LRP1B: variants seen among roughly 807,000 people sequenced by gnomAD.
LRP1B encodes the protein low-density lipoprotein receptor-related protein 1B.
A neutral mutation model predicts 556.6 loss-of-function variants in LRP1B; 217 were observed. The ratio of observed to expected loss-of-function variants is 0.39; its 90% CI spans 0.35 to 0.44. LRP1B has a LOEUF of 0.44. LRP1B is among the 20% of genes least tolerant of loss of function. The pLI is 1.00. For synonymous variants in LRP1B, 2,047 were observed against 1,865.8 expected (o/e 1.10, Z -2.50); for missense variants, 5,053 against 5,620.8 (o/e 0.90, Z 3.23).
chr2:141,770,334 T>A (rs1349815055), intron 2 of LRP1B, among the ~76,000 whole-genome samples: 1 of 152,208 alleles, frequency 6.6e-6, no homozygotes, highest in Non-Finnish European at 1.5e-5. Context: ...ATTCTCACTT[T>A]AATGGTTAAT....
At chr2:140,387,126 AC>A (rs1683792648) in intron 66 of LRP1B, among the ~76,000 whole-genome samples, 1 of 152,316 alleles carries the variant, frequency 6.6e-6, no homozygotes, top group Non-Finnish European at 1.5e-5. Context: ...CCTTTCGTGT[AC>A]TTAGATCAAC....
chr2:141,218,387 G>A (rs544052711), intron 6 of LRP1B, among the ~76,000 whole-genome samples: 2 of 151,950 alleles, frequency 1.3e-5, no homozygotes, highest in African/African-American at 4.8e-5. Flanking sequence ...GTCAACCTAG[G>A]TGCCCATCAA....
At chr2:142,015,927 G>A (rs1703111531) in intron 1 of LRP1B, among the ~76,000 whole-genome samples, 1 of 140,490 alleles carries the variant, frequency 7.1e-6, no homozygotes, top group East Asian at 2.3e-4. Flanking sequence ...GGGAGTCGGA[G>A]CTTGCAGTGA....
intron 79 of LRP1B, among the ~76,000 whole-genome samples, chr2:140,332,895 A>G (rs1296298529): frequency 6.6e-6 from 1 of 152,110 alleles, no homozygotes; most frequent in Non-Finnish European, 1.5e-5. Flanking sequence ...TGTTACATAT[A>G]CTATTAATAA....
At chr2:141,594,642 T>C (rs1165919014) in intron 2 of LRP1B, among the ~76,000 whole-genome samples, 10 of 152,158 alleles carry the variant, frequency 6.6e-5, no homozygotes. Context: ...GAGGTGGTTA[T>C]TAATTTATCA....
chr2:142,074,882 C>T lies in LRP1B; in HGVS notation c.82+55766G>A, dbSNP rs1246715141. ...ATGGAAATGACCTTCTTCATCTAAT[C>T]TTTCCTCCCACATACTGTGTTATAC... On this transcript the variant is annotated intron_variant, in intron 1 of 90. Transcript: ENST00000389484. 2.0e-5 allele frequency among the ~76,000 whole-genome samples: 3 copies of T among 152,080 alleles called. No individual in the cohort carries two copies. The East Asian group carries it at 5.8e-4, about 29-fold the overall frequency.
intron 81 of LRP1B, among the ~76,000 whole-genome samples, 164 bp downstream of exon 81, chr2:140,323,729 A>G (rs1309488348): frequency 6.6e-6 from 1 of 152,058 alleles, no homozygotes; most frequent in Non-Finnish European, 1.5e-5. Context: ...AGAATTATCT[A>G]TAGTTTGGTA....
intron 7 of LRP1B, among the ~76,000 whole-genome samples, chr2:141,076,339 G>A (rs1214125616): frequency 6.6e-6 from 1 of 152,184 alleles, no homozygotes; most frequent in Non-Finnish European, 1.5e-5. Flanking sequence ...GTAGGGCTGT[G>A]TTGGCAGGTA....
At chr2:141,610,680 T>C (rs994743031) in intron 2 of LRP1B, among the ~76,000 whole-genome samples, 1 of 152,206 alleles carries the variant, frequency 6.6e-6, no homozygotes, top group Non-Finnish European at 1.5e-5. Context: ...TGGCTGGGAA[T>C]TCCACAAAGT....
At chr2:140,949,938 C>CAAAAAAA (rs67201185) in intron 20 of LRP1B, among the ~76,000 whole-genome samples, 3 of 14,278 alleles carry the variant, frequency 2.1e-4, no homozygotes, top group Non-Finnish European at 3.6e-4. Context: ...GACTCCGTCT[C>CAAAAAAA]AAAAAAAAAA....
At chr2:141,854,419 A>C (rs575355957) in intron 1 of LRP1B, among the ~76,000 whole-genome samples, 1 of 152,208 alleles carries the variant, frequency 6.6e-6, no homozygotes, top group African/African-American at 2.4e-5. Flanking sequence ...ATTCTTAATT[A>C]ACAACTCAAT....
At chr2:141,762,712 G>A (rs1329176448) in intron 2 of LRP1B, among the ~76,000 whole-genome samples, 1 of 152,052 alleles carries the variant, frequency 6.6e-6, no homozygotes, top group Non-Finnish European at 1.5e-5. Flanking sequence ...ATATGCTGGG[G>A]GTTGAGGATA....
At chr2:140,428,678 C>T (rs1040713520) in intron 66 of LRP1B, among the ~76,000 whole-genome samples, 2 of 152,138 alleles carry the variant, frequency 1.3e-5, no homozygotes, top group African/African-American at 4.8e-5. Flanking sequence ...GTAACTGTCA[C>T]AGTGGAGGGT....
intron 1 of LRP1B, among the ~76,000 whole-genome samples, chr2:142,035,655 C>G (rs1019023056): frequency 6.6e-6 from 1 of 151,552 alleles, no homozygotes; most frequent in Admixed American, 6.6e-5. Flanking sequence ...TCTAGTTTAA[C>G]AACAACTTTT....
At chr2:140,869,909 ATG>A (rs1163715953) in intron 25 of LRP1B, among the ~76,000 whole-genome samples, 39 of 152,244 alleles carry the variant, frequency 2.6e-4, no homozygotes, top group Non-Finnish European at 3.1e-4. Context: ...GTACTTTGGC[ATG>A]CTAAGCACTT....
At chr2:142,004,081 T>C (rs1422845731) in intron 1 of LRP1B, among the ~76,000 whole-genome samples, 2 of 152,152 alleles carry the variant, frequency 1.3e-5, no homozygotes, top group Admixed American at 1.3e-4. Flanking sequence ...CTATGGCTAG[T>C]AGGAGGCAGA....
intron 11 of LRP1B, among the ~76,000 whole-genome samples, chr2:141,031,260 C>CAA (rs1490576016): frequency 1.3e-5 from 1 of 79,884 alleles, no homozygotes; most frequent in Non-Finnish European, 3.0e-5. Flanking sequence ...ATCACACACA[C>CAA]ACACACACAC....
intron 3 of LRP1B, among the ~76,000 whole-genome samples, chr2:141,446,815 C>A (rs781466048): frequency 6.6e-6 from 1 of 152,164 alleles, no homozygotes; most frequent in Non-Finnish European, 1.5e-5. Flanking sequence ...TTGTGGGTAA[C>A]GCAACCTTTC....
chr2:140,304,138 ACAG>A (rs1337902200), intron 83 of LRP1B, among the ~76,000 whole-genome samples: 4 of 152,168 alleles, frequency 2.6e-5, no homozygotes, highest in African/African-American at 9.7e-5. Context: ...ATGTGTCTTT[ACAG>A]CAGCATGATT....
Sources: allele counts gnomAD v4.1 joint callset (sites outside exome capture counted in the v4.1 genomes callset), GRCh38; gene constraint gnomAD v4.1.1; transcripts MANE v1.5; gene names NCBI Gene and HGNC (gene_info 2026-07-23, HGNC 2026-07-21).